The following PTH2R variants were observed in gnomAD, a reference collection of about 807,000 sequenced individuals.
PTH2R encodes parathyroid hormone 2 receptor, also known as PTH2 receptor.
A neutral mutation model predicts 60.3 loss-of-function variants in PTH2R; 59 were observed. That is an observed-to-expected ratio of 0.98 (90% CI 0.79 to 1.22). The LOEUF (loss-of-function observed/expected upper bound fraction) is 1.22, where lower values mean the gene tolerates loss of function less well. PTH2R is among the 50% of genes most tolerant of loss of function. The probability of loss-of-function intolerance (pLI) is 0.00; values close to 1 mark genes in which losing one functional copy is unlikely to be tolerated. For synonymous variants in PTH2R, 256 were observed against 243.8 expected (o/e 1.05, Z -0.47); for missense variants, 749 against 682.6 (o/e 1.10, Z -1.08).
intron 1 of PTH2R, among the ~76,000 whole-genome samples, chr2:208,388,335 A>C (rs1701046062): frequency 1.3e-5 from 2 of 152,082 alleles, no homozygotes; most frequent in Non-Finnish European, 2.9e-5. Flanking sequence ...AAACAAACAA[A>C]AAAAAACTTC....
chr2:208,467,371 A>T (rs1324276249), intron 9 of PTH2R, among the ~76,000 whole-genome samples: 2 of 152,212 alleles, frequency 1.3e-5, no homozygotes, highest in Admixed American at 6.5e-5. Context: ...GGTAATACAG[A>T]AGAAAAACAC....
chr2:208,425,404 T>C (rs1447878025), intron 1 of PTH2R, among the ~76,000 whole-genome samples: 2 of 152,152 alleles, frequency 1.3e-5, no homozygotes, highest in African/African-American at 4.8e-5. Flanking sequence ...CACTGAAAGT[T>C]ACCACCCCTT....
At chr2:208,434,088 TG>T (rs1265216750) in intron 2 of PTH2R, among the ~76,000 whole-genome samples, 2 of 151,926 alleles carry the variant, frequency 1.3e-5, no homozygotes, top group East Asian at 3.9e-4. Flanking sequence ...CTGAGGCGGG[TG>T]GATCACCTGA....
At chr2:208,481,218 CCTT>C in intron 10 of PTH2R, 54 bp downstream of exon 10, 1 of 1,144,666 alleles carries the variant, frequency 8.7e-7, no homozygotes, top group South Asian at 1.5e-5. Context: ...CTATTTCTTT[CCTT>C]TTTTTTTTTT....
At position 208,454,204 on chromosome 2, in the gene PTH2R, G is replaced by C. The variant is rs143474565; in HGVS notation, c.914+3395G>C. ...ATTATTTCTATTTAAATAATGATGA[G>C]AAAGAATAGGAAAAAGTAGAAAAGC... On this transcript the variant is annotated intron_variant, in intron 8 of 12. Coordinates refer to ENST00000272847, the MANE Select transcript of PTH2R (RefSeq NM_005048.4). Among the ~76,000 whole-genome samples the C allele has an allele frequency of 3.9e-3, 599 of 152,130 alleles. 12 individuals are homozygous for C. Among genetic ancestry groups the C allele is most frequent in the East Asian group, 0.018 (93 of 5,170 alleles).
At chr2:208,394,839 A>C (rs1701176206) in intron 1 of PTH2R, among the ~76,000 whole-genome samples, 1 of 152,124 alleles carries the variant, frequency 6.6e-6, no homozygotes, top group Non-Finnish European at 1.5e-5. Flanking sequence ...AAGTAATTAA[A>C]ATTAATACTA....
chr2:208,493,361 TC>T lies in PTH2R; in HGVS notation c.1356del (p.Thr453ProfsTer3), dbSNP rs755328668. 1 of 1,602,188 alleles carries T rather than the reference TC, an allele frequency of 6.2e-7. No homozygotes were observed. The highest frequency in any genetic ancestry group is 2.2e-5 in the East Asian group (1 of 44,616). On this transcript the variant is annotated frameshift_variant, in exon 13 of 13. Coordinates refer to ENST00000272847, the MANE Select transcript of PTH2R (RefSeq NM_005048.4). LOFTEE classifies it low-confidence loss of function (END_TRUNC). ...GGCAGCCGCAGATGCGGCTCAGTGC[TC>T]ACCACCGTGACGCACAGCACCAGCA... ...PCGSRRCGSV[L>X]TTVTHSTSSQ...
chr2:208,481,464 G>C (rs1288637390), intron 10 of PTH2R, among the ~76,000 whole-genome samples: 1 of 152,074 alleles, frequency 6.6e-6, no homozygotes, highest in Non-Finnish European at 1.5e-5. Context: ...GCCTGCCTTG[G>C]CCTCCCAAAG....
intron 1 of PTH2R, among the ~76,000 whole-genome samples, chr2:208,394,889 G>C (rs1249916918): frequency 6.6e-6 from 1 of 152,100 alleles, no homozygotes; most frequent in Non-Finnish European, 1.5e-5. Context: ...ATCAGAGACA[G>C]AATAGGTGGC....
At chr2:208,423,975 C>T (rs1701806319) in intron 1 of PTH2R, among the ~76,000 whole-genome samples, 1 of 152,180 alleles carries the variant, frequency 6.6e-6, no homozygotes, top group African/African-American at 2.4e-5. Flanking sequence ...CTATCACTGA[C>T]ACCTATGGTG....
intron 9 of PTH2R, among the ~76,000 whole-genome samples, chr2:208,476,125 ATAT>A (rs888856402): frequency 1.6e-4 from 25 of 152,292 alleles, no homozygotes; most frequent in African/African-American, 5.5e-4. Flanking sequence ...AGTTTAAAAA[ATAT>A]TATATCTAGT....
At chr2:208,402,046 T>A (rs1194478735), upstream of PTH2R, among the ~76,000 whole-genome samples, 1 of 152,196 alleles carries the variant, frequency 6.6e-6, no homozygotes, top group African/African-American at 2.4e-5. Context: ...TGCAATGCCA[T>A]GTCTTAGCCA....
At position 208,426,940 on chromosome 2, in the gene PTH2R, C is replaced by T. The variant is rs188540325; in HGVS notation, c.76-1261C>T. ...CATACTTGCTCCCGGCTAAACTGACCAGATGTTTTAGAACAAAATATCTTT... is the reference window on the plus strand; with the variant it reads ...CATACTTGCTCCCGGCTAAACTGACTAGATGTTTTAGAACAAAATATCTTT... On this transcript the variant is annotated intron_variant, in intron 1 of 12. Coordinates refer to ENST00000272847, the MANE Select transcript of PTH2R (RefSeq NM_005048.4). 2.2e-3 allele frequency among the ~76,000 whole-genome samples: 330 copies of T among 152,212 alleles called. 1 individual carries two copies. Among genetic ancestry groups the T allele is most frequent in the Middle Eastern group, 6.8e-3 (2 of 294 alleles).
intron 7 of PTH2R, among the ~76,000 whole-genome samples, chr2:208,448,887 A>G (rs1391533652): frequency 6.6e-6 from 1 of 152,002 alleles, no homozygotes; most frequent in African/African-American, 2.4e-5. Flanking sequence ...AGTCTTATGC[A>G]TAAGATTCTC....
chr2:208,479,611 C>A (rs1456591559), intron 9 of PTH2R, among the ~76,000 whole-genome samples: 1 of 152,188 alleles, frequency 6.6e-6, no homozygotes, highest in Non-Finnish European at 1.5e-5. Context: ...TAGCTTTTCA[C>A]CTTCTTATTA....
At chr2:208,452,877 G>A (rs956602804) in intron 8 of PTH2R, among the ~76,000 whole-genome samples, 3 of 152,152 alleles carry the variant, frequency 2.0e-5, no homozygotes, top group Non-Finnish European at 4.4e-5. Context: ...AAAGTACTTT[G>A]ATCTCAGATA....
At chr2:208,402,006 TG>T (rs1442478315), upstream of PTH2R, among the ~76,000 whole-genome samples, 5 of 152,214 alleles carry the variant, frequency 3.3e-5, no homozygotes, top group African/African-American at 1.2e-4. Flanking sequence ...AGCCATTTGG[TG>T]GCACATGACT....
intron 2 of PTH2R, among the ~76,000 whole-genome samples, chr2:208,435,156 T>C (rs1702049298): frequency 6.6e-6 from 1 of 152,236 alleles, no homozygotes; most frequent in Non-Finnish European, 1.5e-5. Context: ...TAAGGTTCTG[T>C]TATGCTGACT....
At chr2:208,404,243 A>G (rs1401750907), upstream of PTH2R, among the ~76,000 whole-genome samples, 1 of 152,204 alleles carries the variant, frequency 6.6e-6, no homozygotes, top group African/African-American at 2.4e-5. Flanking sequence ...TTGGTAATTT[A>G]ACAAGTAGGG....
Sources: gnomAD v4.1 joint callset for allele counts (sites outside exome capture counted in the v4.1 genomes callset) on GRCh38, gnomAD v4.1.1 for gene constraint, MANE v1.5 for transcripts, NCBI Gene and HGNC (gene_info 2026-07-23, HGNC 2026-07-21) for gene names.